The following LDAH variants were observed in gnomAD, a reference collection of about 807,000 sequenced individuals.
LDAH encodes lipid droplet-associated hydrolase.
LDAH carries 26 observed loss-of-function variants against 29.6 expected under a neutral mutation model. That is an observed-to-expected ratio of 0.88 (90% CI 0.64 to 1.22). The LOEUF (loss-of-function observed/expected upper bound fraction) is 1.22. Ranked by LOEUF, LDAH falls within the 50% of genes most tolerant of loss-of-function variation. The pLI, the probability that LDAH is intolerant of heterozygous loss-of-function variation, is 0.00. For missense variants in LDAH, 344 were observed against 387.3 expected, an observed-to-expected ratio of 0.89 and a Z score of 0.94; for synonymous variants, 117 against 133.0, an observed-to-expected ratio of 0.88 and a Z score of 0.83.
chr2:20,797,266 C>T (rs1209111359), intron 2 of LDAH, among the ~76,000 whole-genome samples: 2 of 152,190 alleles, frequency 1.3e-5, no homozygotes, highest in Non-Finnish European at 2.9e-5. Context: ...AAGTACCATA[C>T]TGAGAAGAGG....
chr2:20,763,216 A>G (rs1452141132), intron 4 of LDAH, among the ~76,000 whole-genome samples: 1 of 152,224 alleles, frequency 6.6e-6, no homozygotes, highest in Non-Finnish European at 1.5e-5. Flanking sequence ...GAGCACATTA[A>G]CACAGAAGAC....
chr2:20,809,405 A>C (rs1252305823), intron 1 of LDAH, among the ~76,000 whole-genome samples: 3 of 152,178 alleles, frequency 2.0e-5, no homozygotes, highest in Non-Finnish European at 4.4e-5. Context: ...CTCAAAAAAA[A>C]AGGAAAAGAC....
intron 3 of LDAH, among the ~76,000 whole-genome samples, chr2:20,783,605 C>T (rs1390816577): frequency 1.3e-5 from 2 of 152,150 alleles, no homozygotes; most frequent in African/African-American, 4.8e-5. Context: ...AATAGCTACT[C>T]CAGCTTTCTT....
At chr2:20,768,569 CATAGGA>C (rs1363871536) in intron 4 of LDAH, among the ~76,000 whole-genome samples, 1 of 152,158 alleles carries the variant, frequency 6.6e-6, no homozygotes, top group East Asian at 1.9e-4. Flanking sequence ...CCCTTGGAGG[CATAGGA>C]TCCAGGCCGG....
Position 20,698,977 on chromosome 2 carries a change from G to A in LDAH, c.786+2593C>T, listed in dbSNP as rs939367375. 1.2e-4 allele frequency among the ~76,000 whole-genome samples: 19 copies of A among 152,170 alleles called. No homozygotes were observed. The highest frequency in any genetic ancestry group is 4.6e-4 in the African/African-American group (19 of 41,436). On this transcript the variant is annotated intron_variant, in intron 6 of 6. Coordinates refer to ENST00000237822, the MANE Select transcript of LDAH (RefSeq NM_021925.4). The surrounding 1 kb of genome is among the most constrained non-coding windows in gnomAD (Gnocchi z 4.4). ...AAATTTGGATTTAGAACCAAAGCCT[G>A]TAGATTATGGTATGATAGTTCTCTT...
chr2:20,800,545 T>A (rs1671587324), intron 2 of LDAH, among the ~76,000 whole-genome samples: 1 of 152,240 alleles, frequency 6.6e-6, no homozygotes, highest in Non-Finnish European at 1.5e-5. Context: ...CCTAATTCTA[T>A]TGACAATGAT....
At chr2:20,740,733 G>A (rs1274371559) in intron 4 of LDAH, among the ~76,000 whole-genome samples, 1 of 152,186 alleles carries the variant, frequency 6.6e-6, no homozygotes, top group Non-Finnish European at 1.5e-5. Context: ...GAATAAAGCT[G>A]CTATAAATGC....
At chr2:20,791,893 T>C (rs1355961201) in intron 2 of LDAH, among the ~76,000 whole-genome samples, 15 of 152,202 alleles carry the variant, frequency 9.9e-5, no homozygotes, top group Admixed American at 9.8e-4. Flanking sequence ...GACCCAATAC[T>C]ACATTTTTAC....
chr2:20,811,135 A>G (rs577769), intron 1 of LDAH, among the ~76,000 whole-genome samples: 24,082 of 150,346 alleles, frequency 0.16, 4,733 homozygotes, highest in African/African-American at 0.48. Flanking sequence ...CTCCTGCCTC[A>G]GCCTCCCGAG....
intron 5 of LDAH, among the ~76,000 whole-genome samples, chr2:20,710,180 T>C (rs949356253): frequency 2.0e-5 from 3 of 152,098 alleles, no homozygotes; most frequent in African/African-American, 4.8e-5. Flanking sequence ...TTTAGCCAGA[T>C]TGATCAGGGA....
chr2:20,695,828 T>C (rs1663423332), intron 6 of LDAH, among the ~76,000 whole-genome samples: 1 of 152,202 alleles, frequency 6.6e-6, no homozygotes, highest in Non-Finnish European at 1.5e-5. Flanking sequence ...TACATACTAT[T>C]ATTAACCATT....
At chr2:20,781,719 C>T (rs772354966) in intron 3 of LDAH, among the ~76,000 whole-genome samples, 1 of 152,212 alleles carries the variant, frequency 6.6e-6, no homozygotes, top group Non-Finnish European at 1.5e-5. Context: ...GCAATTCTAA[C>T]TCTTTGTATA....
At chr2:20,729,412 T>C (rs140300625) in intron 5 of LDAH, among the ~76,000 whole-genome samples, 164 of 152,364 alleles carry the variant, frequency 1.1e-3, no homozygotes, top group Middle Eastern at 3.4e-3. Context: ...ACTTTTCATA[T>C]ATAAATTTAA....
intron 4 of LDAH, among the ~76,000 whole-genome samples, chr2:20,741,686 G>C (rs1372130382): frequency 1.3e-5 from 2 of 152,124 alleles, no homozygotes; most frequent in African/African-American, 4.8e-5. Context: ...TATAAGTTCT[G>C]TTGTTTCAGA....
In LDAH at chr2:20,684,722, G is replaced by A. The variant is rs1372034763; in HGVS notation, c.*2181C>T. ...CTGGGAACAGACTAGGAACAAACAC[G>A]GGTGTGGTCAAAGCTCAATCGCTGA... On this transcript the variant is annotated 3_prime_UTR_variant, in exon 7 of 7. Transcript: ENST00000237822. The A allele has an allele frequency of 1.3e-5, 9 of 700,660 alleles. No homozygotes were observed. The highest frequency in any genetic ancestry group is 4.5e-6 in the Non-Finnish European group (2 of 442,858). The allele number at this position is 700,660 out of a possible 1,614,324, so 43.4% of individuals were successfully genotyped here.
chr2:20,773,869 G>A (rs563352518), intron 4 of LDAH, among the ~76,000 whole-genome samples: 11 of 152,054 alleles, frequency 7.2e-5, no homozygotes, highest in Non-Finnish European at 1.5e-4. Context: ...AAGCGATCAC[G>A]TCCTATCTTG....
rs1662509813 is a variant in LDAH at position 20,685,688 on chromosome 2, G to C, written c.*1215C>G. 6.5e-7 allele frequency: 1 copy of C among 1,543,622 alleles called. No individual in the cohort carries two copies. The highest frequency in any genetic ancestry group is 1.2e-5 in the South Asian group (1 of 83,232). ...AGAAAAAGGAATATTTCTGATCCAT[G>C]ATCAACTGTCACTGCAGTATGTGGT... On this transcript the variant is annotated 3_prime_UTR_variant, in exon 7 of 7. Coordinates refer to ENST00000237822, the MANE Select transcript of LDAH (RefSeq NM_021925.4).
intron 1 of LDAH, among the ~76,000 whole-genome samples, chr2:20,816,920 A>G (rs1008750009): frequency 2.0e-5 from 3 of 152,096 alleles, no homozygotes; most frequent in African/African-American, 7.2e-5. Context: ...AACAACAGGT[A>G]AATCACCAAA....
chr2:20,738,024 C>T lies in LDAH; in HGVS notation c.703+1947G>A, dbSNP rs531428716. ...ATCCCAGAACTTTGGGAGGCTGAGG[C>T]GGGCGGATCACGAGGTCAGGAGTTT... is the stretch of plus-strand genomic sequence containing the variant. On this transcript the variant is annotated intron_variant, in intron 5 of 6. Coordinates refer to ENST00000237822, the MANE Select transcript of LDAH (RefSeq NM_021925.4). Among the ~76,000 whole-genome samples, 682 of 151,864 alleles carry T rather than the reference C, an allele frequency of 4.5e-3. 7 individuals carry two copies. Among genetic ancestry groups the T allele is most frequent in the African/African-American group, 0.015 (639 of 41,426 alleles).
Sources: gnomAD v4.1 joint callset for allele counts (sites outside exome capture counted in the v4.1 genomes callset) on GRCh38, gnomAD v4.1.1 for gene constraint, Gnocchi (gnomAD v3.1) non-coding constraint, MANE v1.5 for transcripts, NCBI Gene and HGNC (gene_info 2026-07-23, HGNC 2026-07-21) for gene names.